Variants in DENND5B observed in about 807,000 individuals in gnomAD.
The protein encoded by DENND5B is DENN domain containing 5B.
Under a neutral mutation model 140.6 loss-of-function variants are expected in DENND5B, and 34 were observed. That is an observed-to-expected ratio of 0.24 (90% CI 0.18 to 0.32). The LOEUF (loss-of-function observed/expected upper bound fraction) is 0.32. Ranked by LOEUF, DENND5B falls within the 10% of genes least tolerant of loss-of-function variation. DENND5B has a pLI of 1.00. For missense variants in DENND5B, 1,142 were observed against 1,560.2 expected, an observed-to-expected ratio of 0.73 and a Z score of 4.52; for synonymous variants, 551 against 562.1, an observed-to-expected ratio of 0.98 and a Z score of 0.28.
Position 31,564,561 on chromosome 12 carries a change from CTATTATTATTATTAT to C in DENND5B, c.127+26130_127+26144del, listed in dbSNP as rs3074755. The stretch of plus-strand genomic sequence containing the variant: ...CCACTACCACCCCTCTCTTTTCATT[CTATTATTATTATTAT>C]TATTATTATTATTATTATTATTATT... On this transcript the variant is annotated intron_variant, in intron 1 of 20. Coordinates refer to ENST00000389082, the MANE Select transcript of DENND5B (RefSeq NM_144973.4). Among the ~76,000 whole-genome samples the C allele has an allele frequency of 2.1e-4, 28 of 136,054 alleles. 1 individual carries two copies. The highest frequency in any genetic ancestry group is 4.1e-4 in the African/African-American group (15 of 36,760). 89.3% of individuals were successfully genotyped at this position (136,054 alleles called of 152,430 possible).
intron 5 of DENND5B, among the ~76,000 whole-genome samples, chr12:31,448,918 C>A (rs1165331063): frequency 1.3e-5 from 2 of 152,174 alleles, no homozygotes; most frequent in Non-Finnish European, 2.9e-5. Flanking sequence ...AGAACGAGTA[C>A]AATAAGCTGT....
chr12:31,520,144 T>C (rs774914163), intron 1 of DENND5B, among the ~76,000 whole-genome samples: 4 of 152,242 alleles, frequency 2.6e-5, no homozygotes, highest in Non-Finnish European at 4.4e-5. Context: ...TTGGAGACTT[T>C]CATTCTAAGA....
At chr12:31,584,217 T>A (rs967973746) in intron 1 of DENND5B, among the ~76,000 whole-genome samples, 1 of 152,164 alleles carries the variant, frequency 6.6e-6, no homozygotes, top group Non-Finnish European at 1.5e-5. Context: ...GCCTCCTTTC[T>A]CTCTCCCTGT....
At chr12:31,513,997 C>T (rs964486687) in intron 1 of DENND5B, among the ~76,000 whole-genome samples, 4 of 152,046 alleles carry the variant, frequency 2.6e-5, no homozygotes, top group African/African-American at 9.7e-5. Flanking sequence ...GCCACCACAC[C>T]TGGCTAATCT....
At chr12:31,514,470 TG>T (rs1215721108) in intron 1 of DENND5B, among the ~76,000 whole-genome samples, 1 of 152,210 alleles carries the variant, frequency 6.6e-6, no homozygotes, top group Non-Finnish European at 1.5e-5. Flanking sequence ...ATTTTTACCT[TG>T]TTTGTACAAA....
At chr12:31,584,808 C>G (rs2139506383) in intron 1 of DENND5B, among the ~76,000 whole-genome samples, 1 of 152,082 alleles carries the variant, frequency 6.6e-6, no homozygotes, top group Admixed American at 6.5e-5. Context: ...GCCTGGGTAA[C>G]AGAGACTCTG....
At chr12:31,440,559 T>C in intron 7 of DENND5B, among the ~76,000 whole-genome samples, 1 of 152,242 alleles carries the variant, frequency 6.6e-6, no homozygotes, top group Middle Eastern at 3.2e-3. Flanking sequence ...GAAAATTTCA[T>C]TCTGAATATA....
chr12:31,404,075 A>G (rs1941986052), intron 14 of DENND5B, among the ~76,000 whole-genome samples: 2 of 151,410 alleles, frequency 1.3e-5, no homozygotes, highest in African/African-American at 4.9e-5. Flanking sequence ...AAAAAACATA[A>G]TTAGCCAGGT....
At chr12:31,521,282 G>T (rs1947872124) in intron 1 of DENND5B, among the ~76,000 whole-genome samples, 1 of 151,042 alleles carries the variant, frequency 6.6e-6, no homozygotes, top group African/African-American at 2.4e-5. Flanking sequence ...GGGGTGTGCA[G>T]ATATCAGACA....
intron 2 of DENND5B, among the ~76,000 whole-genome samples, chr12:31,492,188 G>C (rs1403710799): frequency 8.7e-6 from 1 of 114,470 alleles, no homozygotes; most frequent in Non-Finnish European, 2.2e-5. Context: ...TTATTCTTCA[G>C]GGGGAAACTT....
chr12:31,494,742 T>C (rs1314021372), intron 2 of DENND5B, among the ~76,000 whole-genome samples: 2 of 152,294 alleles, frequency 1.3e-5, no homozygotes, highest in Admixed American at 6.5e-5. Context: ...CTGATTGATA[T>C]CCTCCCACAA....
intron 8 of DENND5B, among the ~76,000 whole-genome samples, chr12:31,431,466 C>T (rs1943506931): frequency 6.6e-6 from 1 of 152,124 alleles, no homozygotes; most frequent in African/African-American, 2.4e-5. Context: ...GGCTATAGGT[C>T]CAGCTCTGTC....
At chr12:31,581,591 G>C (rs535189909) in intron 1 of DENND5B, among the ~76,000 whole-genome samples, 4 of 151,748 alleles carry the variant, frequency 2.6e-5, no homozygotes, top group Non-Finnish European at 5.9e-5. Flanking sequence ...TATTCGGGAA[G>C]CTGAGGCAGG....
chr12:31,571,151 C>T (rs959316344), intron 1 of DENND5B, among the ~76,000 whole-genome samples: 1 of 152,204 alleles, frequency 6.6e-6, no homozygotes, highest in Non-Finnish European at 1.5e-5. Context: ...AAGACTCAGC[C>T]TCCCTGAAAC....
chr12:31,575,419 C>A (rs146093910), intron 1 of DENND5B, among the ~76,000 whole-genome samples: 55 of 152,254 alleles, frequency 3.6e-4, no homozygotes, highest in African/African-American at 1.3e-3. Flanking sequence ...ATTGTGACTA[C>A]CCACTTCCCC....
At chr12:31,417,459 C>T (rs376727118) in intron 11 of DENND5B, among the ~76,000 whole-genome samples, 1 of 151,256 alleles carries the variant, frequency 6.6e-6, no homozygotes, top group African/African-American at 2.4e-5. Context: ...TTACAGCATG[C>T]AAAGTGAGTA....
At chr12:31,528,552 A>G (rs561427423) in intron 1 of DENND5B, among the ~76,000 whole-genome samples, 2 of 152,344 alleles carry the variant, frequency 1.3e-5, no homozygotes, top group African/African-American at 4.8e-5. Context: ...AGTGAGATGT[A>G]TTTGAATTCT....
At chr12:31,552,478 G>C (rs149529873) in intron 1 of DENND5B, among the ~76,000 whole-genome samples, 1,954 of 152,240 alleles carry the variant, frequency 0.013, 30 homozygotes, top group African/African-American at 0.045. Flanking sequence ...ATTTTATTGA[G>C]GATTTTTGCA....
chr12:31,570,604 G>A (rs370095843), intron 1 of DENND5B, among the ~76,000 whole-genome samples: 6 of 145,664 alleles, frequency 4.1e-5, no homozygotes, highest in African/African-American at 1.5e-4. Context: ...AAAAAAAAAA[G>A]TTTTCTTTTT....
Sources: allele counts gnomAD v4.1 joint callset (sites outside exome capture counted in the v4.1 genomes callset), GRCh38; gene constraint gnomAD v4.1.1; transcripts MANE v1.5; gene names NCBI Gene and HGNC (gene_info 2026-07-23, HGNC 2026-07-21).